Variants in TERT observed in about 807,000 individuals in gnomAD.
TERT encodes telomerase reverse transcriptase, also known as telomerase catalytic subunit.
TERT carries 42 observed loss-of-function variants against 104.0 expected under a neutral mutation model. That is an observed-to-expected ratio of 0.40 (90% confidence interval 0.32 to 0.52). TERT has a LOEUF of 0.52. Among genes scored for constraint, TERT ranks in the 20% least tolerant of loss-of-function variants. TERT has a pLI of 0.43. For synonymous variants in TERT, 781 were observed against 725.6 expected, an observed-to-expected ratio of 1.08 and a Z score of -1.23; for missense variants, 1,101 against 1,610.3, an observed-to-expected ratio of 0.68 and a Z score of 5.41.
intron 3 of TERT, among the ~76,000 whole-genome samples, chr5:1,281,718 G>A (rs896613680): frequency 9.9e-5 from 15 of 152,168 alleles, no homozygotes; most frequent in African/African-American, 3.1e-4. Flanking sequence ...GCAGTGAGTC[G>A]CCAAGTGGGT....
rs1352559834 is a variant in TERT at position 1,262,108 on chromosome 5, G to A, written c.2844-1508C>T. ...TGTGTCCTTCCCCAACACCAAACCAGGGAACGTTCACCTCCCTTCCCTTTG... is the reference window on the plus strand; with the variant it reads ...TGTGTCCTTCCCCAACACCAAACCAAGGAACGTTCACCTCCCTTCCCTTTG... On this transcript the variant is annotated intron_variant, in intron 11 of 15. Transcript: ENST00000310581. This position sits in a 1 kb window ranked among gnomAD's most constrained non-coding sequence, Gnocchi z 5.6. 3.3e-5 allele frequency among the ~76,000 whole-genome samples: 5 copies of A among 152,244 alleles called. No homozygotes were observed. The East Asian group carries it at 7.7e-4, about 24-fold the overall frequency.
In TERT at chr5:1,268,975, C is replaced by CA. The variant is rs1748829220; in HGVS notation, c.2469-343_2469-342insT. Among the ~76,000 whole-genome samples the CA allele has an allele frequency of 6.8e-6, 1 of 146,470 alleles. No individual in the cohort carries two copies. On this transcript the variant is annotated intron_variant, in intron 8 of 15. Coordinates refer to ENST00000310581, the MANE Select transcript of TERT (RefSeq NM_198253.3). This position sits in a 1 kb window ranked among gnomAD's most constrained non-coding sequence, Gnocchi z 5.5. Reference sequence around the variant, plus strand: ...CCGGAATGAATGCTTAACCGGACTCCTTTTTTTTTTTTCAAGGAATTTGTC... The same window carrying CA: ...CCGGAATGAATGCTTAACCGGACTCCATTTTTTTTTTTTCAAGGAATTTGTC...
rs368429405 is a variant in TERT, at chr5:1,264,397, C to T, written c.2843+7G>A. On this transcript the variant is annotated splice_region_variant and intron_variant, in intron 11 of 15. Coordinates refer to ENST00000310581, the MANE Select transcript of TERT (RefSeq NM_198253.3). ...CACAGGCTCCACTTCCGGCCAGGTG[C>T]GCTCACCTGGAGTAGTCGCTCTGCA... The T allele has an allele frequency of 4.3e-5, 70 of 1,609,282 alleles. No homozygotes were observed. In the Middle Eastern group the frequency reaches 4.9e-4, roughly 11 times the overall value.
In TERT at chr5:1,255,166, A is replaced by T; in HGVS notation, c.3157+121T>A. 7.4e-7 allele frequency: 1 copy of T among 1,352,758 alleles called. No individual in the cohort carries two copies. The highest frequency in any genetic ancestry group is 1.0e-6 in the Non-Finnish European group (1 of 975,426). The allele number at this position is 1,352,758 out of a possible 1,614,324, so 83.8% of individuals were successfully genotyped here. On this transcript the variant is annotated intron_variant, in intron 14 of 15. Transcript: ENST00000310581. This position sits in a 1 kb window ranked among gnomAD's most constrained non-coding sequence, Gnocchi z 6.9. ...AGACGAGCCTGACAGTGGTTGGGTT[A>T]AACCACTTCCTGATGCGAAAAGGGG...
At position 1,294,014 on chromosome 5, in the gene TERT, C is replaced by A; in HGVS notation, c.872G>T (p.Gly291Val). 6.3e-7 allele frequency: 1 copy of A among 1,589,284 alleles called. No individual in the cohort carries two copies. The highest frequency in any genetic ancestry group is 8.5e-7 in the Non-Finnish European group (1 of 1,170,414). ...EATSLEGALS[G>V]TRHSHPSVGR... ...CACGGATGGGTGGGAGTGGCGCGTG[C>A]CAGAGAGCGCACCCTCCAAAGAGGT... The change falls in exon 2 of 16, where the codon GGC becomes GTC. Residue 291 changes from glycine (G) to valine (V), a missense_variant. Physicochemically the swap from Gly to Val is moderately radical, Grantham distance 109. Around this residue, in one of 5 missense-constraint regions of TERT, gnomAD observed 504 missense variants for 544.6 expected, o/e 0.93. Transcript: ENST00000310581.
intron 2 of TERT, 35 bp from the exon 3 acceptor site, chr5:1,282,659 C>G: frequency 6.2e-7 from 1 of 1,610,588 alleles, no homozygotes; most frequent in Non-Finnish European, 8.5e-7. Context: ...TCCAGATCAC[C>G]GAGGGCCTGG....
rs1401160194 is a variant in TERT at position 1,281,747 on chromosome 5, G to A, written c.1769+682C>T. Among the ~76,000 whole-genome samples the A allele has an allele frequency of 2.0e-5, 3 of 152,190 alleles. No homozygotes were observed. The East Asian group carries it at 5.8e-4, about 29-fold the overall frequency. ...AGTGGGTGGGATTTTATCCTCTCATGACCTAAATCCAATAGATTGAAGATT... is the reference window on the plus strand; with the variant it reads ...AGTGGGTGGGATTTTATCCTCTCATAACCTAAATCCAATAGATTGAAGATT... On this transcript the variant is annotated intron_variant, in intron 3 of 15. Coordinates refer to ENST00000310581, the MANE Select transcript of TERT (RefSeq NM_198253.3).
chr5:1,267,746 ACAC>A (rs1324569258), intron 9 of TERT, among the ~76,000 whole-genome samples: 4 of 152,162 alleles, frequency 2.6e-5, no homozygotes, highest in Non-Finnish European at 5.9e-5. Flanking sequence ...AGAAAACCAA[ACAC>A]CACATGTTCT....
intron 6 of TERT, among the ~76,000 whole-genome samples, chr5:1,275,384 A>G (rs558427413): frequency 1.4e-3 from 207 of 148,766 alleles, no homozygotes; most frequent in Non-Finnish European, 2.3e-3. Flanking sequence ...ATCAAAAAAA[A>G]AAAAAAAGAA....
intron 7 of TERT, 149 bp from the exon 8 acceptor site, chr5:1,271,353 G>C: frequency 1.4e-6 from 1 of 712,310 alleles, no homozygotes; most frequent in Non-Finnish European, 2.6e-6. Flanking sequence ...TCGTGGGCTG[G>C]CCGGGCCGAG....
chr5:1,278,520 G>T (rs555419214), intron 6 of TERT, 121 bp downstream of exon 6: 12 of 1,390,970 alleles, frequency 8.6e-6, no homozygotes, highest in Non-Finnish European at 1.0e-5. Context: ...GCATATCACA[G>T]ATGTGTAAAT....
rs756624928 is a variant in TERT at position 1,293,991 on chromosome 5, C to T, written c.895G>A (p.Val299Met). The T allele has an allele frequency of 9.5e-6, 15 of 1,574,112 alleles. No homozygotes were observed. In the Admixed American group the frequency reaches 2.0e-4, roughly 21 times the overall value. Residue 299 changes from valine to methionine, a missense_variant, in exon 2 of 16, where the codon GTG (valine) becomes ATG (methionine). Coordinates refer to ENST00000310581, the MANE Select transcript of TERT (RefSeq NM_198253.3). The part of the protein sequence containing the change: ...LSGTRHSHPS[V>M]GRQHHAGPPS... The stretch of plus-strand genomic sequence containing the variant: ...GGGCCCGCGTGGTGCTGGCGGCCCA[C>T]GGATGGGTGGGAGTGGCGCGTGCCA...
At chr5:1,293,194 C>T (rs1051825319) in intron 2 of TERT, 119 bp downstream of exon 2, 6 of 1,260,054 alleles carry the variant, frequency 4.8e-6, no homozygotes, top group African/African-American at 1.5e-5. Flanking sequence ...GAGCGAAAAG[C>T]CACGTGTGCC....
At chr5:1,271,631 C>A (rs887967399) in intron 7 of TERT, among the ~76,000 whole-genome samples, 3 of 152,154 alleles carry the variant, frequency 2.0e-5, no homozygotes, top group African/African-American at 7.2e-5. Context: ...TAGAGCCGAG[C>A]AAGTGCTAAC....
intron 12 of TERT, among the ~76,000 whole-genome samples, 159 bp from the exon 13 acceptor site, chr5:1,258,818 G>T (rs770382447): frequency 6.6e-6 from 1 of 152,366 alleles, no homozygotes; most frequent in East Asian, 1.9e-4. Context: ...GCCCTCACCC[G>T]GCAGCTGCGA....
At chr5:1,294,687 G>A (rs1194294876) in intron 1 of TERT, 21 bp from the exon 2 acceptor site, 1 of 1,588,772 alleles carries the variant, frequency 6.3e-7, no homozygotes, top group East Asian at 2.2e-5. Context: ...AGCGCCCTGA[G>A]TCGCCTGCGC....
chr5:1,282,940 C>T, intron 2 of TERT: 2 of 443,402 alleles, frequency 4.5e-6, no homozygotes, highest in South Asian at 2.0e-5. Flanking sequence ...CGGACCTGCA[C>T]CATCCAGACA....
Position 1,293,619 on chromosome 5 carries a change from C to T in TERT, c.1267G>A (p.Ala423Thr). 14 of 1,551,184 alleles carry T rather than the reference C, an allele frequency of 9.0e-6. No individual in the cohort carries two copies. Among genetic ancestry groups the T allele is most frequent in the South Asian group, 1.2e-5 (1 of 84,180 alleles). ...GGCTTCTCCCGGGCACAGACACCGG[C>T]TGCTGGGGTGACCGCAGCTCGCAGC... ...CPLRAAVTPAAGVCAREKPQG... is the reference protein window; with the variant it reads ...CPLRAAVTPATGVCAREKPQG... The change falls in exon 2 of 16, where the codon GCC (alanine) becomes ACC (threonine). Residue 423 changes from alanine (A) to threonine (T), a missense_variant. Ala to Thr is a moderately conservative substitution (Grantham distance 58). Coordinates refer to ENST00000310581, the MANE Select transcript of TERT (RefSeq NM_198253.3).
At chr5:1,266,385 CA>C in intron 10 of TERT, 78 bp downstream of exon 10, 2 of 1,255,860 alleles carry the variant, frequency 1.6e-6, no homozygotes, top group East Asian at 5.0e-5. Flanking sequence ...GCTGCGGTGC[CA>C]GGGGCAGGAC....
Sources: gnomAD v4.1 joint callset for allele counts (sites outside exome capture counted in the v4.1 genomes callset) on GRCh38, gnomAD v4.1.1 for gene constraint, gnomAD v4.1.1 regional missense constraint, Gnocchi (gnomAD v3.1) non-coding constraint, MANE v1.5 for transcripts, NCBI Gene and HGNC (gene_info 2026-07-23, HGNC 2026-07-21) for gene names.